Variants in MITF observed in about 807,000 individuals in gnomAD.
MITF encodes melanocyte inducing transcription factor, also known as microphthalmia-associated transcription factor.
Under a neutral mutation model 60.5 loss-of-function variants are expected in MITF, and 17 were observed. The observed-to-expected ratio is 0.28, with a 90% CI of 0.19 to 0.42. The LOEUF (loss-of-function observed/expected upper bound fraction) is 0.42. Ranked by LOEUF, MITF falls within the 10% of genes least tolerant of loss-of-function variation. The probability of loss-of-function intolerance (pLI) is 1.00; values close to 1 mark genes in which losing one functional copy is unlikely to be tolerated. For missense variants in MITF, 622 were observed against 683.5 expected (o/e 0.91, Z 1.00); for synonymous variants, 260 against 248.5 (o/e 1.05, Z -0.43).
intron 1 of MITF, among the ~76,000 whole-genome samples, chr3:69,792,998 C>CTTTT (rs58440406): frequency 0.017 from 542 of 31,104 alleles, 136 homozygotes; most frequent in South Asian, 0.11. Context: ...AAGTCTTTAG[C>CTTTT]TTTTTTTTTT....
At chr3:69,746,540 GGTATAAAAT>G (rs1703735454) in intron 1 of MITF, among the ~76,000 whole-genome samples, 1 of 152,006 alleles carries the variant, frequency 6.6e-6, no homozygotes, top group Admixed American at 6.5e-5. Context: ...GTGTGTGTGA[GGTATAAAAT>G]GTACTTTGCT....
intron 1 of MITF, among the ~76,000 whole-genome samples, chr3:69,873,538 C>T (rs927765754): frequency 9.9e-5 from 15 of 152,202 alleles, no homozygotes; most frequent in Middle Eastern, 3.4e-3. Flanking sequence ...CATAAAGGGC[C>T]GTTGGAAGTT....
chr3:69,829,696 A>ACACC (rs1005441904), intron 1 of MITF, among the ~76,000 whole-genome samples: 16 of 149,914 alleles, frequency 1.1e-4, no homozygotes, highest in Admixed American at 5.3e-4. Flanking sequence ...ACACACACAC[A>ACACC]CCAACTGTCA....
At chr3:69,826,132 G>A (rs1484779624) in intron 1 of MITF, among the ~76,000 whole-genome samples, 2 of 152,188 alleles carry the variant, frequency 1.3e-5, no homozygotes, top group African/African-American at 4.8e-5. Flanking sequence ...CTGGACTCTC[G>A]TTAACCAGCC....
intron 1 of MITF, among the ~76,000 whole-genome samples, chr3:69,873,058 C>T (rs147546353): frequency 2.6e-5 from 4 of 152,190 alleles, no homozygotes; most frequent in Non-Finnish European, 5.9e-5. Context: ...TCATGTTACC[C>T]CCAAAAAGGT....
At chr3:69,921,151 C>T (rs1257057401) in intron 2 of MITF, among the ~76,000 whole-genome samples, 1 of 152,186 alleles carries the variant, frequency 6.6e-6, no homozygotes, top group Non-Finnish European at 1.5e-5. Context: ...GGATTACAGG[C>T]GTGAGCCACT....
chr3:69,869,676 G>A (rs897509873), intron 1 of MITF, among the ~76,000 whole-genome samples: 2 of 152,044 alleles, frequency 1.3e-5, no homozygotes, highest in East Asian at 1.9e-4. Context: ...CAAATGAGAA[G>A]GACTACTCAC....
Position 69,937,810 on chromosome 3 carries a change from G to T in MITF, c.355-12G>T. 6.2e-7 allele frequency: 1 copy of T among 1,611,360 alleles called. No homozygotes were observed. Among genetic ancestry groups the T allele is most frequent in the Non-Finnish European group, 8.5e-7 (1 of 1,177,704 alleles). On this transcript the variant is annotated splice_polypyrimidine_tract_variant and intron_variant, in intron 2 of 9. Coordinates refer to ENST00000352241, the MANE Select transcript of MITF (RefSeq NM_001354604.2). Reference sequence around the variant, plus strand: ...CAGCGCTGTTTTCTTTTCCCTCCATGGCTATGTTCAGGTGCAGACCCACCT... The same window carrying T: ...CAGCGCTGTTTTCTTTTCCCTCCATTGCTATGTTCAGGTGCAGACCCACCT...
chr3:69,960,429 G>C lies in MITF; in HGVS notation c.1179+1009G>C, dbSNP rs192051077. On this transcript the variant is annotated intron_variant, in intron 9 of 9. Transcript: ENST00000352241. ...GCCGGAGATGGGGAATTCCTCTTTG[G>C]TATCAACTCCTGGAACTTCTCTCAG... Among the ~76,000 whole-genome samples, 284 of 152,188 alleles carry C rather than the reference G, an allele frequency of 1.9e-3. 2 individuals are homozygous for C. Among genetic ancestry groups the C allele is most frequent in the Non-Finnish European group, 1.7e-3 (117 of 67,998 alleles).
chr3:69,967,032 A>G lies in MITF; in HGVS notation c.*1784A>G, dbSNP rs2066705556. 1 of 232,150 alleles carries G rather than the reference A, an allele frequency of 4.3e-6. No individual in the cohort carries two copies. Among genetic ancestry groups the G allele is most frequent in the Non-Finnish European group, 8.5e-6 (1 of 117,172 alleles). 14.4% of individuals were successfully genotyped at this position (232,150 alleles called of 1,614,324 possible). A position where few individuals can be genotyped will look rare whatever the true frequency, so the allele number is the denominator to read the frequency against. On this transcript the variant is annotated 3_prime_UTR_variant, in exon 10 of 10. Coordinates refer to ENST00000352241, the MANE Select transcript of MITF (RefSeq NM_001354604.2). ...TGACAGAGTGCCAACTTCTTTCATC[A>G]GGAAACCTTATTCAGGAGGGTTTTT...
Position 69,852,494 on chromosome 3 carries a change from T to A in MITF, c.105-26640T>A, listed in dbSNP as rs548441762. Among the ~76,000 whole-genome samples the A allele has an allele frequency of 2.0e-5, 3 of 152,364 alleles. No homozygotes were observed. The South Asian group carries it at 6.2e-4, about 32-fold the overall frequency. On this transcript the variant is annotated intron_variant, in intron 1 of 9. Transcript: ENST00000352241. ...GTGAGATTTATCCCTTGTTTGTATG[T>A]AGCAGTAGTTCATTCTCATAGGATA...
intron 2 of MITF, among the ~76,000 whole-genome samples, chr3:69,904,069 G>A (rs544682865): frequency 1.2e-4 from 19 of 152,108 alleles, no homozygotes; most frequent in African/African-American, 3.1e-4. Flanking sequence ...GAATAAACAC[G>A]TCTAGAAACA....
At chr3:69,884,106 C>G (rs2064554792) in intron 2 of MITF, among the ~76,000 whole-genome samples, 1 of 152,072 alleles carries the variant, frequency 6.6e-6, no homozygotes, top group African/African-American at 2.4e-5. Context: ...TTAAAACTCA[C>G]GTTATTGACT....
intron 2 of MITF, among the ~76,000 whole-genome samples, chr3:69,905,069 A>G (rs2065069032): frequency 6.6e-6 from 1 of 152,168 alleles, no homozygotes; most frequent in Admixed American, 6.5e-5. Flanking sequence ...TGATCCCTAC[A>G]ATCAAGAAAA....
At chr3:69,815,746 T>C (rs1415729532) in intron 1 of MITF, among the ~76,000 whole-genome samples, 1 of 152,170 alleles carries the variant, frequency 6.6e-6, no homozygotes, top group East Asian at 1.9e-4. Flanking sequence ...CCTACATTGT[T>C]CAAGGGTCAA....
At chr3:69,741,472 A>C (rs961681736) in intron 1 of MITF, among the ~76,000 whole-genome samples, 4 of 152,186 alleles carry the variant, frequency 2.6e-5, no homozygotes, top group African/African-American at 9.7e-5. Flanking sequence ...GAAAAACCCA[A>C]ATGAGTGCCG....
At chr3:69,801,846 A>G (rs1352889177) in intron 1 of MITF, among the ~76,000 whole-genome samples, 1 of 152,098 alleles carries the variant, frequency 6.6e-6, no homozygotes, top group African/African-American at 2.4e-5. Flanking sequence ...TTTGGCTATG[A>G]CAACTGCTAT....
intron 1 of MITF, among the ~76,000 whole-genome samples, chr3:69,855,522 T>A (rs973619505): frequency 1.3e-5 from 2 of 152,090 alleles, no homozygotes; most frequent in Non-Finnish European, 2.9e-5. Flanking sequence ...AAAGTATATT[T>A]AGTTAGCACA....
At chr3:69,932,019 T>A (rs932761546) in intron 2 of MITF, among the ~76,000 whole-genome samples, 2 of 152,222 alleles carry the variant, frequency 1.3e-5, no homozygotes, top group African/African-American at 4.8e-5. Flanking sequence ...AAGACAGTAG[T>A]TGGAAAAACA....
Sources: gnomAD v4.1 joint callset for allele counts (sites outside exome capture counted in the v4.1 genomes callset) on GRCh38, gnomAD v4.1.1 for gene constraint, MANE v1.5 for transcripts, NCBI Gene and HGNC (gene_info 2026-07-23, HGNC 2026-07-21) for gene names.